Variants in IBSP observed in about 807,000 individuals in gnomAD.
IBSP encodes the protein integrin-binding sialoprotein.
In IBSP, 19 loss-of-function variants were observed where a neutral mutation model predicts 25.5. The ratio of observed to expected loss-of-function variants is 0.74; its 90% CI spans 0.52 to 1.09. IBSP has a LOEUF of 1.09. IBSP is among the 50% of genes least tolerant of loss of function. The pLI is 0.00. For missense variants in IBSP, 360 were observed against 382.3 expected (o/e 0.94, Z 0.49); for synonymous variants, 144 against 137.6 (o/e 1.05, Z -0.33).
At chr4:87,806,943 T>A (rs1722097183) in intron 5 of IBSP, among the ~76,000 whole-genome samples, 1 of 151,828 alleles carries the variant, frequency 6.6e-6, no homozygotes, top group Non-Finnish European at 1.5e-5. Context: ...AGGTGGAGGT[T>A]GCAGTGAGCC....
chr4:87,802,388 C>T lies in IBSP; in HGVS notation c.27C>T (p.Ser9=). 3 of 1,611,014 alleles carry T rather than the reference C, an allele frequency of 1.9e-6. No individual in the cohort carries two copies. Among genetic ancestry groups the T allele is most frequent in the Non-Finnish European group, 2.5e-6 (3 of 1,178,782 alleles). Residue 9 remains serine, a synonymous_variant, in exon 2 of 7, where the codon AGC becomes AGT. Transcript: ENST00000226284. ...TGAAGACTGCTTTAATTTTGCTCAG[C>T]ATTTTGGGAATGGCCTGTGCTTTCT... The part of the protein sequence containing the change: MKTALILL[S]ILGMACAFSM...
intron 1 of IBSP, 69 bp from the exon 2 acceptor site, chr4:87,802,279 G>T: frequency 1.1e-6 from 1 of 893,440 alleles, no homozygotes; most frequent in South Asian, 1.6e-5. Context: ...CTTCATCTTT[G>T]AATATGAGTA....
At chr4:87,806,680 T>C (rs1324687972) in intron 5 of IBSP, among the ~76,000 whole-genome samples, 1 of 152,182 alleles carries the variant, frequency 6.6e-6, no homozygotes, top group African/African-American at 2.4e-5. Flanking sequence ...CATCAGCCTT[T>C]CATAACCCAC....
At chr4:87,805,255 G>T (rs1435778347) in intron 4 of IBSP, among the ~76,000 whole-genome samples, 1 of 152,140 alleles carries the variant, frequency 6.6e-6, no homozygotes, top group African/African-American at 2.4e-5. Flanking sequence ...GCTAAATATT[G>T]CAGGGAAGGA....
chr4:87,804,099 T>C (rs1054197307), intron 4 of IBSP, among the ~76,000 whole-genome samples: 6 of 152,194 alleles, frequency 3.9e-5, no homozygotes, highest in Non-Finnish European at 7.4e-5. Flanking sequence ...TTTCACAAAT[T>C]ATATGCAGAT....
chr4:87,803,205 G>C (rs1318614569), intron 4 of IBSP, among the ~76,000 whole-genome samples: 1 of 152,052 alleles, frequency 6.6e-6, no homozygotes, highest in Non-Finnish European at 1.5e-5. Flanking sequence ...AAAAAACCTT[G>C]ATAATCAATG....
Position 87,802,423 on chromosome 4 carries a change from C to A in IBSP, c.54+8C>A, listed in dbSNP as rs201687661. The A allele has an allele frequency of 1.3e-5, 21 of 1,606,350 alleles. No individual in the cohort carries two copies. In the East Asian group the frequency reaches 4.5e-4, roughly 34 times the overall value. ...ATGGCCTGTGCTTTCTCAGTAAGTT[C>A]TTTATCAAAACCCACAGTTATTTTC... On this transcript the variant is annotated splice_region_variant and intron_variant, in intron 2 of 6. Transcript: ENST00000226284.
At position 87,810,782 on chromosome 4, in the gene IBSP, C is replaced by A; in HGVS notation, c.405+18C>A. 6.3e-7 allele frequency: 1 copy of A among 1,594,318 alleles called. No homozygotes were observed. Among genetic ancestry groups the A allele is most frequent in the Non-Finnish European group, 8.5e-7 (1 of 1,170,454 alleles). ...CCAAGAAGGTAACAATGGAATTATT[C>A]CTCCAAAATGAAATTATTACCATTA... On this transcript the variant is annotated intron_variant, in intron 6 of 6. Transcript: ENST00000226284.
rs779776336 is a variant in IBSP at position 87,810,710 on chromosome 4, C to A, written c.351C>A (p.Asp117Glu). ...LSATTLGYGE[D>E]ATPGTGYTGL... ...CTACAACACTGGGCTATGGAGAGGA[C>A]GCCACGCCTGGCACAGGGTATACAG... Residue 117 changes from aspartate (D) to glutamate (E), a missense_variant, in exon 6 of 7, where the codon GAC (aspartate) becomes GAA (glutamate). By Grantham distance (45) the Asp-to-Glu change is conservative (BLOSUM62 2). Transcript: ENST00000226284. The A allele has an allele frequency of 3.1e-6, 5 of 1,613,710 alleles. No homozygotes were observed. In the African/African-American group the frequency reaches 6.7e-5, roughly 22 times the overall value.
intron 4 of IBSP, among the ~76,000 whole-genome samples, chr4:87,803,518 C>T (rs1722050941): frequency 6.6e-6 from 1 of 152,084 alleles, no homozygotes; most frequent in Non-Finnish European, 1.5e-5. Flanking sequence ...ATTTTTAGTA[C>T]CATACAGTTT....
intron 5 of IBSP, among the ~76,000 whole-genome samples, chr4:87,807,181 T>G (rs1405800342): frequency 6.6e-6 from 1 of 152,166 alleles, no homozygotes; most frequent in Non-Finnish European, 1.5e-5. Flanking sequence ...TACTCTTGCC[T>G]AAGGAAACAT....
In IBSP at chr4:87,802,513, A is replaced by T. The variant is rs761866745; in HGVS notation, c.60A>T (p.Lys20Asn). ...TTAAATGTTCTTTAAAACAGATGAA[A>T]AATTTGCATCGAAGAGTCAAAATAG... ...ILGMACAFSM[K>N]NLHRRVKIED... is the part of the protein sequence containing the mutation. Residue 20 changes from lysine (K) to asparagine (N), a missense_variant, in exon 3 of 7, where the codon AAA (lysine) becomes AAT (asparagine). Transcript: ENST00000226284. 3.7e-6 allele frequency: 6 copies of T among 1,604,698 alleles called. No individual in the cohort carries two copies. The South Asian group carries it at 6.8e-5, about 18-fold the overall frequency.
chr4:87,809,971 C>A (rs1191645981), intron 5 of IBSP, among the ~76,000 whole-genome samples: 3 of 152,150 alleles, frequency 2.0e-5, no homozygotes, highest in Non-Finnish European at 4.4e-5. Flanking sequence ...GTGGCTCATG[C>A]CTGTAATCCC....
At chr4:87,806,677 C>T (rs915987748) in intron 5 of IBSP, among the ~76,000 whole-genome samples, 2 of 152,124 alleles carry the variant, frequency 1.3e-5, no homozygotes, top group Non-Finnish European at 2.9e-5. Context: ...ATTCATCAGC[C>T]TTTCATAACC....
chr4:87,809,731 G>A (rs1447869829), intron 5 of IBSP, among the ~76,000 whole-genome samples: 2 of 152,086 alleles, frequency 1.3e-5, no homozygotes, highest in Admixed American at 6.6e-5. Flanking sequence ...CTCTTAAAAT[G>A]TATTGAAGTG....
At position 87,806,183 on chromosome 4, in the gene IBSP, AG is replaced by A. The variant is rs771598070; in HGVS notation, c.246+1del. 8.7e-6 allele frequency: 14 copies of A among 1,610,346 alleles called. No homozygotes were observed. Among genetic ancestry groups the A allele is most frequent in the African/African-American group, 1.3e-5 (1 of 74,646 alleles). Reference sequence around the variant, plus strand: ...AGTTCAGAAGAGGAGGAGGAAGAAGAGGTAAGGAATTTTGCAATCTTTTCGT... The same window carrying A: ...AGTTCAGAAGAGGAGGAGGAAGAAGAGTAAGGAATTTTGCAATCTTTTCGT... ...DDSSEEEEEE[E>X]ETSNEGENNE... On this transcript the variant is annotated frameshift_variant and splice_region_variant, in exon 5 of 7. Transcript: ENST00000226284. LOFTEE classifies it high-confidence loss of function.
chr4:87,809,164 G>T (rs545619487), intron 5 of IBSP, among the ~76,000 whole-genome samples: 1 of 152,162 alleles, frequency 6.6e-6, no homozygotes, highest in African/African-American at 2.4e-5. Flanking sequence ...CTTTGTAAGC[G>T]CAAATTAGTG....
At chr4:87,808,098 TGAG>T (rs1172723859) in intron 5 of IBSP, among the ~76,000 whole-genome samples, 4 of 152,194 alleles carry the variant, frequency 2.6e-5, no homozygotes, top group Non-Finnish European at 5.9e-5. Context: ...TGTATTTGTA[TGAG>T]GAGAATACTT....
intron 5 of IBSP, among the ~76,000 whole-genome samples, chr4:87,806,724 G>A (rs1309338446): frequency 1.3e-5 from 2 of 151,928 alleles, no homozygotes; most frequent in Non-Finnish European, 2.9e-5. Context: ...AAAATTTCAG[G>A]CTTGTTGTGG....
Sources: allele counts gnomAD v4.1 joint callset (sites outside exome capture counted in the v4.1 genomes callset), GRCh38; gene constraint gnomAD v4.1.1; transcripts MANE v1.5; gene names NCBI Gene and HGNC (gene_info 2026-07-23, HGNC 2026-07-21).